The following FBXW7 variants were observed in gnomAD, a reference collection of about 807,000 sequenced individuals.
FBXW7 encodes F-box/WD repeat-containing protein 7.
A neutral mutation model predicts 86.3 loss-of-function variants in FBXW7; 11 were observed. That is an observed-to-expected ratio of 0.13 (90% CI 0.08 to 0.21). The LOEUF is 0.21. Among genes scored for constraint, FBXW7 ranks in the 10% least tolerant of loss-of-function variants. The probability of loss-of-function intolerance (pLI) is 1.00; values close to 1 mark genes in which losing one functional copy is unlikely to be tolerated. For synonymous variants in FBXW7, 313 were observed against 297.9 expected (o/e 1.05, Z -0.52); for missense variants, 488 against 847.4 (o/e 0.58, Z 5.27).
At chr4:152,445,546 C>T (rs1169853983) in intron 2 of FBXW7, among the ~76,000 whole-genome samples, 1 of 152,164 alleles carries the variant, frequency 6.6e-6, no homozygotes, top group East Asian at 1.9e-4. Context: ...CCTCTCTGAG[C>T]TTCAGTTCTC....
chr4:152,418,127 CCACACACACACACACA>C (rs3047865), intron 2 of FBXW7, among the ~76,000 whole-genome samples: 2 of 143,938 alleles, frequency 1.4e-5, no homozygotes, highest in Non-Finnish European at 3.1e-5. Flanking sequence ...ACAGCTCTTA[CCACACACACACACACA>C]CACACACACA....
chr4:152,440,914 T>G (rs1392118046), intron 2 of FBXW7, among the ~76,000 whole-genome samples: 1 of 151,992 alleles, frequency 6.6e-6, no homozygotes, highest in Admixed American at 6.6e-5. Flanking sequence ...TTCTCTTTCT[T>G]CATTGCTTAA....
intron 2 of FBXW7, among the ~76,000 whole-genome samples, chr4:152,445,490 T>C (rs1263340824): frequency 2.6e-5 from 4 of 152,246 alleles, no homozygotes; most frequent in Admixed American, 2.0e-4. Flanking sequence ...AGTTTTGACA[T>C]TGGTTCTGCT....
In FBXW7 at chr4:152,411,668, T is replaced by C. The variant is rs2126881367; in HGVS notation, c.136A>G (p.Arg46Gly). 6.2e-7 allele frequency: 1 copy of C among 1,614,036 alleles called. No homozygotes were observed. The highest frequency in any genetic ancestry group is 1.3e-5 in the African/African-American group (1 of 75,056). The change falls in exon 4 of 14, where the codon AGA becomes GGA. Residue 46 changes from arginine to glycine, a missense_variant. Coordinates refer to ENST00000281708, the MANE Select transcript of FBXW7 (RefSeq NM_001349798.2). ...GCAGTGTGCTCCTCCTCTTGTTGTCTGAGTTGCTGTTGCTGTTCCTCCTCT... is the reference window on the plus strand; with the variant it reads ...GCAGTGTGCTCCTCCTCTTGTTGTCCGAGTTGCTGTTGCTGTTCCTCCTCT... ...VVEEEQQQQL[R>G]QQEEEHTARN... is the part of the protein sequence containing the mutation.
chr4:152,444,949 A>G (rs1325743214), intron 2 of FBXW7, among the ~76,000 whole-genome samples: 1 of 152,110 alleles, frequency 6.6e-6, no homozygotes, highest in Non-Finnish European at 1.5e-5. Context: ...TGATCCTCCT[A>G]CATGGCTGTG....
intron 2 of FBXW7, among the ~76,000 whole-genome samples, chr4:152,519,307 T>TAAAG (rs1190748059): frequency 2.7e-5 from 4 of 145,620 alleles, no homozygotes; most frequent in African/African-American, 8.2e-5. Context: ...CAAAAATAAA[T>TAAAG]AAATAAATAA....
intron 2 of FBXW7, among the ~76,000 whole-genome samples, chr4:152,457,766 C>G (rs1579254898): frequency 6.7e-6 from 1 of 148,932 alleles, no homozygotes; most frequent in South Asian, 2.1e-4. Context: ...AGAATCCTAA[C>G]AAACAGTCTG....
intron 2 of FBXW7, among the ~76,000 whole-genome samples, chr4:152,508,667 G>A (rs372115235): frequency 1.2e-3 from 158 of 128,790 alleles, no homozygotes; most frequent in East Asian, 2.4e-3. Context: ...AAAAAAAAAA[G>A]AAAAAAAAAA....
chr4:152,387,774 T>C (rs1240682027), intron 4 of FBXW7, among the ~76,000 whole-genome samples: 1 of 139,176 alleles, frequency 7.2e-6, no homozygotes, highest in Non-Finnish European at 1.5e-5. Flanking sequence ...AGTGGTGTAA[T>C]GTCGGCTCAC....
chr4:152,463,148 C>T (rs1169732272), intron 2 of FBXW7, among the ~76,000 whole-genome samples: 1 of 151,512 alleles, frequency 6.6e-6, no homozygotes, highest in South Asian at 2.1e-4. Context: ...ATTAGCTGGG[C>T]GTGGTGGTGG....
At chr4:152,418,430 TG>T (rs1738645025) in intron 2 of FBXW7, among the ~76,000 whole-genome samples, 1 of 152,152 alleles carries the variant, frequency 6.6e-6, no homozygotes, top group Middle Eastern at 3.2e-3. Flanking sequence ...ATGTTTCTAT[TG>T]CTGTTTGGGC....
chr4:152,477,357 G>C (rs773842833), intron 2 of FBXW7, among the ~76,000 whole-genome samples: 2 of 152,148 alleles, frequency 1.3e-5, no homozygotes, highest in Non-Finnish European at 2.9e-5. Context: ...TCTTACCAGA[G>C]TGACATACTT....
At chr4:152,532,830 A>G (rs746799777) in intron 2 of FBXW7, among the ~76,000 whole-genome samples, 1 of 152,214 alleles carries the variant, frequency 6.6e-6, no homozygotes, top group Non-Finnish European at 1.5e-5. Context: ...AAGTAAAAGC[A>G]TCTCAAAGGC....
intron 4 of FBXW7, among the ~76,000 whole-genome samples, chr4:152,410,025 T>C (rs1737789637): frequency 6.6e-6 from 1 of 152,178 alleles, no homozygotes; most frequent in African/African-American, 2.4e-5. Context: ...TCCTACAGAA[T>C]ATAAGGATGA....
chr4:152,507,228 A>G (rs1402027893), intron 2 of FBXW7, among the ~76,000 whole-genome samples: 1 of 152,210 alleles, frequency 6.6e-6, no homozygotes, highest in Admixed American at 6.5e-5. Flanking sequence ...AAGTGAACTG[A>G]GAGTACCTGA....
intron 2 of FBXW7, among the ~76,000 whole-genome samples, chr4:152,438,688 C>T (rs1289547106): frequency 4.6e-5 from 7 of 151,982 alleles, no homozygotes; most frequent in African/African-American, 1.4e-4. Flanking sequence ...AAAACAAAAA[C>T]ACTCTATTTT....
Position 152,535,228 on chromosome 4 carries a change from T to G in FBXW7, c.-314A>C. The stretch of plus-strand genomic sequence containing the variant: ...GGTTTGGGAGACTCCGGATTTTGTT[T>G]TTGTAAAGTTTCCTCTGGGTGGAGG... On this transcript the variant is annotated 5_prime_UTR_variant, in exon 1 of 14. Coordinates refer to ENST00000281708, the MANE Select transcript of FBXW7 (RefSeq NM_001349798.2). 5.4e-6 allele frequency: 1 copy of G among 185,426 alleles called. No homozygotes were observed. The allele number at this position is 185,426 out of a possible 1,614,324, so 11.5% of individuals were successfully genotyped here. A position where few individuals can be genotyped will look rare whatever the true frequency, so the allele number is the denominator to read the frequency against.
Position 152,535,503 on chromosome 4 carries a change from G to T in FBXW7, c.-589C>A. Reference sequence around the variant, plus strand: ...GGGTCCCCGCCCCCCCGGCCGGGGGGTGGTTGCCGAGCTTGGTTGGGGCCC... The same window carrying T: ...GGGTCCCCGCCCCCCCGGCCGGGGGTTGGTTGCCGAGCTTGGTTGGGGCCC... On this transcript the variant is annotated 5_prime_UTR_variant, in exon 1 of 14. Coordinates refer to ENST00000281708, the MANE Select transcript of FBXW7 (RefSeq NM_001349798.2). The T allele has an allele frequency of 5.1e-6, 2 of 395,300 alleles. No homozygotes were observed. The highest frequency in any genetic ancestry group is 8.9e-6 in the Non-Finnish European group (2 of 223,990). The allele number at this position is 395,300 out of a possible 1,614,324, so 24.5% of individuals were successfully genotyped here. A position where few individuals can be genotyped will look rare whatever the true frequency, so the allele number is the denominator to read the frequency against.
At chr4:152,391,538 G>T (rs182549664) in intron 4 of FBXW7, among the ~76,000 whole-genome samples, 4 of 152,152 alleles carry the variant, frequency 2.6e-5, no homozygotes, top group Admixed American at 1.3e-4. Flanking sequence ...TAAGTCTAAG[G>T]AGACTATCAG....
Sources: allele counts gnomAD v4.1 joint callset (sites outside exome capture counted in the v4.1 genomes callset), GRCh38; gene constraint gnomAD v4.1.1; transcripts MANE v1.5; gene names NCBI Gene and HGNC (gene_info 2026-07-23, HGNC 2026-07-21).